The following GRAMD2B variants were observed in gnomAD, a reference collection of about 807,000 sequenced individuals.
GRAMD2B encodes GRAM domain containing 2B, also known as GRAM domain-containing protein 2B.
A neutral mutation model predicts 59.2 loss-of-function variants in GRAMD2B; 41 were observed. The ratio of observed to expected loss-of-function variants is 0.69; its 90% CI spans 0.54 to 0.90. The LOEUF (loss-of-function observed/expected upper bound fraction) is 0.90. Among genes scored for constraint, GRAMD2B ranks in the 40% least tolerant of loss-of-function variants. The pLI, the probability that GRAMD2B is intolerant of heterozygous loss-of-function variation, is 0.00. For missense variants in GRAMD2B, 424 were observed against 500.5 expected, an observed-to-expected ratio of 0.85 and a Z score of 1.46; for synonymous variants, 161 against 182.7, an observed-to-expected ratio of 0.88 and a Z score of 0.96.
At chr5:126,450,586 C>A (rs1347377976) in intron 1 of GRAMD2B, among the ~76,000 whole-genome samples, 1 of 150,638 alleles carries the variant, frequency 6.6e-6, no homozygotes, top group African/African-American at 2.4e-5. Context: ...CGTCACCTGG[C>A]CTTCATTCAT....
In GRAMD2B at chr5:126,484,403, T is replaced by C; in HGVS notation, c.849T>C (p.Asp283=). The C allele has an allele frequency of 4.3e-6, 7 of 1,612,984 alleles. No homozygotes were observed. Among genetic ancestry groups the C allele is most frequent in the Non-Finnish European group, 5.9e-6 (7 of 1,179,708 alleles). ...CCCAGCTCTGTTTTGGCTTAGTAGA[T>C]TTCCATGCGACAGAATCCCAAACAG... ...SQTPESENSR[D]FHATESQTVL... Residue 283 remains aspartate (D), a splice_region_variant and synonymous_variant, in exon 10 of 14, where the codon GAT becomes GAC. Coordinates refer to ENST00000285689, the MANE Select transcript of GRAMD2B (RefSeq NM_023927.4).
chr5:126,406,034 T>C (rs941444349), intron 1 of GRAMD2B, among the ~76,000 whole-genome samples: 2 of 151,948 alleles, frequency 1.3e-5, no homozygotes, highest in African/African-American at 4.8e-5. Context: ...GAAGCTTTAT[T>C]GTCAAAGACT....
chr5:126,367,846 G>A (rs994479844), upstream of GRAMD2B, among the ~76,000 whole-genome samples: 3 of 152,026 alleles, frequency 2.0e-5, no homozygotes, highest in African/African-American at 7.2e-5. Flanking sequence ...CCACCTTCCC[G>A]GTTCACGCCA....
At chr5:126,385,813 C>T (rs1179423070) in intron 1 of GRAMD2B, among the ~76,000 whole-genome samples, 1 of 152,100 alleles carries the variant, frequency 6.6e-6, no homozygotes, top group Non-Finnish European at 1.5e-5. Context: ...CAACCCAGTC[C>T]ATGGAGTCGT....
chr5:126,405,693 T>C (rs1758204927), intron 1 of GRAMD2B, among the ~76,000 whole-genome samples: 1 of 151,820 alleles, frequency 6.6e-6, no homozygotes, highest in South Asian at 2.1e-4. Flanking sequence ...ATATCCTTTT[T>C]TTTTTTTCAA....
rs943062711 is a variant in GRAMD2B at position 126,388,379 on chromosome 5, T to C, written c.125+16812T>C. Among the ~76,000 whole-genome samples, 7 of 151,946 alleles carry C rather than the reference T, an allele frequency of 4.6e-5. No homozygotes were observed. In the East Asian group the frequency reaches 1.4e-3, roughly 29 times the overall value. ...CAAAGTGAGATCTTATCTCAAAAAA[T>C]AAACAAACAAATTAATTAATTAAAT... On this transcript the variant is annotated intron_variant, in intron 1 of 8. Coordinates refer to the GRAMD2B transcript ENST00000506445.
chr5:126,410,902 T>A (rs1238343087), intron 1 of GRAMD2B, among the ~76,000 whole-genome samples: 1 of 152,158 alleles, frequency 6.6e-6, no homozygotes. Flanking sequence ...ACTGTTTGTA[T>A]GTCTTCTTTT....
intron 1 of GRAMD2B, among the ~76,000 whole-genome samples, chr5:126,453,990 G>A (rs1169690001): frequency 6.6e-6 from 1 of 152,238 alleles, no homozygotes; most frequent in Non-Finnish European, 1.5e-5. Flanking sequence ...AGAGATGGAA[G>A]TCAGTATAAA....
chr5:126,385,940 C>T (rs1756087737), intron 1 of GRAMD2B, among the ~76,000 whole-genome samples: 1 of 152,132 alleles, frequency 6.6e-6, no homozygotes, highest in East Asian at 1.9e-4. Flanking sequence ...AGAGAAAACA[C>T]ATTTCAAGTT....
intron 1 of GRAMD2B, among the ~76,000 whole-genome samples, chr5:126,381,997 G>A (rs1367708354): frequency 6.6e-6 from 1 of 152,022 alleles, no homozygotes; most frequent in Non-Finnish European, 1.5e-5. Flanking sequence ...TAATTGTCTT[G>A]TTTAAGGAGG....
chr5:126,372,253 A>G (rs1754827045), intron 1 of GRAMD2B, among the ~76,000 whole-genome samples: 1 of 152,184 alleles, frequency 6.6e-6, no homozygotes, highest in African/African-American at 2.4e-5. Flanking sequence ...GAAATTTAGT[A>G]TAAGTGGAAA....
intron 1 of GRAMD2B, among the ~76,000 whole-genome samples, chr5:126,463,100 C>T (rs1164102617): frequency 6.6e-6 from 1 of 152,194 alleles, no homozygotes; most frequent in African/African-American, 2.4e-5. Flanking sequence ...GAAATCTAGC[C>T]TCAGTTTTGC....
Position 126,485,790 on chromosome 5 carries a change from A to G in GRAMD2B, c.1058+17A>G. 1 of 1,413,372 alleles carries G rather than the reference A, an allele frequency of 7.1e-7. No homozygotes were observed. The highest frequency in any genetic ancestry group is 9.9e-7 in the Non-Finnish European group (1 of 1,006,920). The allele number at this position is 1,413,372 out of a possible 1,614,324, so 87.6% of individuals were successfully genotyped here. A position where few individuals can be genotyped will look rare whatever the true frequency, so the allele number is the denominator to read the frequency against. On this transcript the variant is annotated intron_variant, in intron 11 of 13. Transcript: ENST00000285689. ...TGCAATTGTGTAAGTACATGAATTT[A>G]CTGTGAGTGACTAAGAAAATGATTC...
intron 13 of GRAMD2B, among the ~76,000 whole-genome samples, chr5:126,491,043 A>T (rs1773835132): frequency 6.6e-6 from 1 of 152,072 alleles, no homozygotes; most frequent in African/African-American, 2.4e-5. Context: ...GCTGGATCTC[A>T]TTGTGGTTTT....
intron 13 of GRAMD2B, among the ~76,000 whole-genome samples, chr5:126,492,390 CTTT>C (rs375319462): frequency 6.9e-6 from 1 of 144,820 alleles, no homozygotes. Flanking sequence ...GCCATTCTCT[CTTT>C]TTTTTTTTTT....
At chr5:126,474,218 A>G (rs1311023529) in intron 5 of GRAMD2B, among the ~76,000 whole-genome samples, 3 of 152,208 alleles carry the variant, frequency 2.0e-5, no homozygotes, top group Non-Finnish European at 4.4e-5. Context: ...ATTCATGATT[A>G]TGAAGAAGCA....
intron 1 of GRAMD2B, among the ~76,000 whole-genome samples, chr5:126,361,376 T>A (rs1245559941): frequency 6.6e-6 from 1 of 152,050 alleles, no homozygotes; most frequent in Non-Finnish European, 1.5e-5. Flanking sequence ...CAGACTGGGC[T>A]TTGGATTCTA....
At chr5:126,381,888 G>A (rs2149705549) in intron 1 of GRAMD2B, among the ~76,000 whole-genome samples, 1 of 152,132 alleles carries the variant, frequency 6.6e-6, no homozygotes, top group East Asian at 1.9e-4. Flanking sequence ...TGTTGGCTTG[G>A]TACTGGTAAA....
chr5:126,469,708 G>T lies in GRAMD2B; in HGVS notation c.235G>T (p.Ala79Ser). The T allele has an allele frequency of 6.2e-7, 1 of 1,612,414 alleles. No individual in the cohort carries two copies. Among genetic ancestry groups the T allele is most frequent in the South Asian group, 1.1e-5 (1 of 91,034 alleles). ...ATCCAGTTTTGATGGTGCCTCTTTA[G>T]CAAGTGATAAGAACGACTGTAAAAC... Reference protein sequence around the residue: ...SKSSFDGASLASDKNDCKTES... With the variant: ...SKSSFDGASLSSDKNDCKTES... Residue 79 changes from alanine to serine, a missense_variant, in exon 3 of 14, where the codon GCA (alanine) becomes TCA (serine). By Grantham distance (99) the Ala-to-Ser change is moderately conservative (BLOSUM62 1). Transcript: ENST00000285689.
Sources: allele counts gnomAD v4.1 joint callset (sites outside exome capture counted in the v4.1 genomes callset), GRCh38; gene constraint gnomAD v4.1.1; transcripts MANE v1.5; gene names NCBI Gene and HGNC (gene_info 2026-07-23, HGNC 2026-07-21).